The following CSTPP1 variants were observed in gnomAD, a reference collection of about 807,000 sequenced individuals.
CSTPP1 encodes centriolar satellite-associated tubulin polyglutamylase complex regulator 1.
At chr11:46,947,272 C>G in the CSTPP1 span, among the ~76,000 whole-genome samples, 165 of 152,318 alleles carry the variant, frequency 1.1e-3, no homozygotes, top group East Asian at 0.023. Context: ...CCCTTGTAAA[C>G]TAATCTCTGG....
chr11:46,947,939 T>TC, the CSTPP1 span: 12 of 410,264 alleles, frequency 2.9e-5, no homozygotes, highest in East Asian at 7.1e-4. Context: ...TTTTTTTTTT[T>TC]CCCTTTAAAT....
chr11:46,973,089 T>G, the CSTPP1 span, among the ~76,000 whole-genome samples: 1 of 152,204 alleles, frequency 6.6e-6, no homozygotes, highest in Non-Finnish European at 1.5e-5. Context: ...TATGTGAAAG[T>G]ATTCGGTAAA....
At chr11:47,037,180 T>C in the CSTPP1 span, among the ~76,000 whole-genome samples, 4 of 125,084 alleles carry the variant, frequency 3.2e-5, no homozygotes, top group African/African-American at 1.0e-4. Context: ...CATTTGAACA[T>C]AAAAATATAT....
At chr11:46,983,316 G>C in the CSTPP1 span, among the ~76,000 whole-genome samples, 1 of 152,160 alleles carries the variant, frequency 6.6e-6, no homozygotes, top group Non-Finnish European at 1.5e-5. Flanking sequence ...GGATCATATA[G>C]TGTTTACTTA....
At chr11:46,942,103 GCTTAAGAT>G in the CSTPP1 span, among the ~76,000 whole-genome samples, 5 of 152,148 alleles carry the variant, frequency 3.3e-5, no homozygotes, top group African/African-American at 1.2e-4. Flanking sequence ...GCCTTGCATG[GCTTAAGAT>G]CTTAAGATCA....
chr11:47,029,291 G>T, the CSTPP1 span, among the ~76,000 whole-genome samples: 1 of 152,032 alleles, frequency 6.6e-6, no homozygotes, highest in Non-Finnish European at 1.5e-5. Flanking sequence ...TCTGTTTATA[G>T]AAGCAACACA....
At chr11:47,140,447 G>A in the CSTPP1 span, among the ~76,000 whole-genome samples, 1 of 152,144 alleles carries the variant, frequency 6.6e-6, no homozygotes, top group Non-Finnish European at 1.5e-5. Context: ...CTTTGAGACA[G>A]AATCTCACTC....
At chr11:47,045,483 A>G in the CSTPP1 span, among the ~76,000 whole-genome samples, 1 of 152,170 alleles carries the variant, frequency 6.6e-6, no homozygotes, top group African/African-American at 2.4e-5. Context: ...AGACTTTAAT[A>G]TGTTTGAATC....
chr11:46,978,841 G>A, the CSTPP1 span, among the ~76,000 whole-genome samples: 6 of 152,152 alleles, frequency 3.9e-5, no homozygotes, highest in Non-Finnish European at 8.8e-5. Context: ...TTCTAAGCCC[G>A]TGAGTTTTCA....
chr11:47,105,562 C>T, the CSTPP1 span, among the ~76,000 whole-genome samples: 9 of 152,136 alleles, frequency 5.9e-5, no homozygotes, highest in African/African-American at 1.9e-4. Flanking sequence ...TTATTGAACA[C>T]TTACTGTGTC....
At chr11:47,049,037 G>A in the CSTPP1 span, among the ~76,000 whole-genome samples, 1 of 152,014 alleles carries the variant, frequency 6.6e-6, no homozygotes. Context: ...CCAGGCTGGA[G>A]TGCAGTGGTG....
the CSTPP1 span, among the ~76,000 whole-genome samples, chr11:47,120,916 T>C: frequency 1.4e-4 from 22 of 152,364 alleles, no homozygotes; most frequent in East Asian, 3.7e-3. The surrounding 1 kb of genome is among the most constrained non-coding windows in gnomAD (Gnocchi z 4.2). Context: ...TTTACAGTTT[T>C]ACAGCCTACT....
chr11:47,057,877 G>A, the CSTPP1 span, among the ~76,000 whole-genome samples: 6 of 152,096 alleles, frequency 3.9e-5, no homozygotes, highest in South Asian at 2.1e-4. Context: ...AAAACACACC[G>A]GGCACTGGGT....
At chr11:47,027,404 G>C in the CSTPP1 span, among the ~76,000 whole-genome samples, 2 of 152,184 alleles carry the variant, frequency 1.3e-5, no homozygotes, top group African/African-American at 4.8e-5. Flanking sequence ...CTTCAGAGAA[G>C]CAGCAACTGA....
the CSTPP1 span, among the ~76,000 whole-genome samples, chr11:46,942,224 T>C: frequency 6.6e-6 from 1 of 152,152 alleles, no homozygotes; most frequent in Non-Finnish European, 1.5e-5. Context: ...GAGAGTCTGG[T>C]AAGGAGATGA....
chr11:47,064,932 C>T, the CSTPP1 span, among the ~76,000 whole-genome samples: 156 of 152,128 alleles, frequency 1.0e-3, no homozygotes, highest in African/African-American at 3.4e-3. Context: ...TTAGTAGAGA[C>T]GGGGTTTCAT....
At chr11:47,086,246 A>AAG in the CSTPP1 span, among the ~76,000 whole-genome samples, 115 of 148,188 alleles carry the variant, frequency 7.8e-4, 1 homozygote, top group African/African-American at 2.6e-3. Context: ...AAAAAAAAAA[A>AAG]AAAAAAAAAA....
the CSTPP1 span, among the ~76,000 whole-genome samples, chr11:47,145,834 C>T: frequency 2.0e-5 from 3 of 152,134 alleles, no homozygotes; most frequent in Non-Finnish European, 4.4e-5. Flanking sequence ...AGTGATCTTG[C>T]TGTGTTGCTC....
chr11:47,104,665 C>G, the CSTPP1 span, among the ~76,000 whole-genome samples: 1 of 152,140 alleles, frequency 6.6e-6, no homozygotes, highest in Admixed American at 6.6e-5. Flanking sequence ...ATGAGGTTAA[C>G]GAGCTGCAGC....
Sources: gnomAD v4.1 joint callset for allele counts (sites outside exome capture counted in the v4.1 genomes callset) on GRCh38, gnomAD v4.1.1 for gene constraint, Gnocchi (gnomAD v3.1) non-coding constraint, MANE v1.5 for transcripts, NCBI Gene and HGNC (gene_info 2026-07-23, HGNC 2026-07-21) for gene names.